INO80: variants seen among roughly 807,000 people sequenced by gnomAD.
The protein encoded by INO80 is chromatin-remodeling ATPase INO80.
Under a neutral mutation model 203.4 loss-of-function variants are expected in INO80, and 20 were observed. That is an observed-to-expected ratio of 0.10 (90% CI 0.07 to 0.14). The LOEUF is 0.14. Ranked by LOEUF, INO80 falls within the 10% of genes least tolerant of loss-of-function variation. The pLI, the probability that INO80 is intolerant of heterozygous loss-of-function variation, is 1.00. For synonymous variants in INO80, 726 were observed against 685.2 expected, an observed-to-expected ratio of 1.06 and a Z score of -0.93; for missense variants, 1,419 against 1,914.4, an observed-to-expected ratio of 0.74 and a Z score of 4.83.
rs142845317 is a variant in INO80, at chr15:40,992,114, T to C, written c.3571-4140A>G. Among the ~76,000 whole-genome samples the C allele has an allele frequency of 2.6e-5, 4 of 152,334 alleles. No homozygotes were observed. The East Asian group carries it at 5.8e-4, about 22-fold the overall frequency. On this transcript the variant is annotated intron_variant, in intron 29 of 35. Coordinates refer to ENST00000648947, the MANE Select transcript of INO80 (RefSeq NM_017553.3). ...TTCTAGAAGAACAAGTGGGAAAAGT[T>C]GGACCAACACTTGGAGGGTGGAGCT...
chr15:41,005,415 G>A, intron 28 of INO80, 178 bp downstream of exon 28: 1 of 535,536 alleles, frequency 1.9e-6, no homozygotes, highest in Non-Finnish European at 3.3e-6. Context: ...TTCTCTCCCA[G>A]ACACATAGAT....
intron 19 of INO80, 121 bp downstream of exon 19, chr15:41,053,808 G>T (rs1210235245): frequency 6.4e-6 from 4 of 627,730 alleles, no homozygotes; most frequent in Non-Finnish European, 8.2e-6. Flanking sequence ...TTTGATCCAT[G>T]CAAGTTTAAA....
Position 41,056,701 on chromosome 15 carries a change from C to T in INO80, c.1991G>A (p.Arg664His). 6.2e-7 allele frequency: 1 copy of T among 1,613,282 alleles called. No individual in the cohort carries two copies. Among genetic ancestry groups the T allele is most frequent in the Non-Finnish European group, 8.5e-7 (1 of 1,179,278 alleles). Residue 664 changes from arginine to histidine, a missense_variant, in exon 17 of 36, where the codon CGT becomes CAT. Physicochemically the swap from Arg to His is conservative, Grantham distance 29 (BLOSUM62 0). Coordinates refer to ENST00000648947, the MANE Select transcript of INO80 (RefSeq NM_017553.3). Reference protein sequence around the residue: ...AQALKSSSSVRWKILLQFQCR... With the variant: ...AQALKSSSSVHWKILLQFQCR... ...CTGGAACTGTAAGAGGATCTTCCAA[C>T]GAACACTGTTTGATAAAATAAGTTA...
rs765910137 is a variant in INO80 at position 40,983,902 on chromosome 15, A to G, written c.4097T>C (p.Leu1366Pro). The G allele has an allele frequency of 1.9e-6, 3 of 1,613,714 alleles. No individual in the cohort carries two copies. Among genetic ancestry groups the G allele is most frequent in the Non-Finnish European group, 2.5e-6 (3 of 1,180,022 alleles). Residue 1366 changes from leucine to proline, a missense_variant, in exon 34 of 36, where the codon CTG becomes CCG. By Grantham distance (98) the Leu-to-Pro change is moderately conservative (BLOSUM62 -3). Transcript: ENST00000648947. ...PFSEISISSE[L>P]HTGSIPLDES... is the part of the protein sequence containing the mutation. ...GTCCAGGGGAATGGAGCCAGTGTGC[A>G]GCTCACTGCTGATGGAGATCTAGAA...
In INO80 at chr15:41,047,476, A is replaced by G. The variant is rs1458606609; in HGVS notation, c.2667T>C (p.Ser889=). The part of the protein sequence containing the change: ...RKGINEESCF[S]FLRFIDISPA... The stretch of plus-strand genomic sequence containing the variant: ...GAGATATATCAATAAAGCGAAGGAA[A>G]GAGAAACAGCTTTCTTCATTAATAC... The change falls in exon 23 of 36, where the codon TCT becomes TCC. Residue 889 remains serine (S), a synonymous_variant. Transcript: ENST00000648947. 1 of 1,611,736 alleles carries G rather than the reference A, an allele frequency of 6.2e-7. No homozygotes were observed. Among genetic ancestry groups the G allele is most frequent in the East Asian group, 2.2e-5 (1 of 44,852 alleles).
At chr15:41,100,852 A>T (rs1278974484) in intron 1 of INO80, among the ~76,000 whole-genome samples, 1 of 148,562 alleles carries the variant, frequency 6.7e-6, no homozygotes, top group Non-Finnish European at 1.5e-5. Flanking sequence ...TTTTTGAGAC[A>T]GAGGCTCCCT....
At chr15:41,014,683 C>A (rs893661696) in intron 27 of INO80, among the ~76,000 whole-genome samples, 13 of 152,120 alleles carry the variant, frequency 8.5e-5, no homozygotes, top group African/African-American at 2.9e-4. Flanking sequence ...AGACTTAGTG[C>A]TGAAACTGAC....
At chr15:41,013,498 C>T (rs991595327) in intron 27 of INO80, among the ~76,000 whole-genome samples, 1 of 152,082 alleles carries the variant, frequency 6.6e-6, no homozygotes, top group African/African-American at 2.4e-5. Flanking sequence ...AAAACGCAGA[C>T]CTAGTGCTGC....
At chr15:41,023,611 A>T (rs2044328399) in intron 25 of INO80, among the ~76,000 whole-genome samples, 1 of 151,898 alleles carries the variant, frequency 6.6e-6, no homozygotes, top group Non-Finnish European at 1.5e-5. Flanking sequence ...TCTACTAAAA[A>T]TACAAAAATT....
intron 24 of INO80, among the ~76,000 whole-genome samples, chr15:41,033,260 G>A (rs928336722): frequency 3.3e-5 from 5 of 151,766 alleles, no homozygotes; most frequent in Non-Finnish European, 5.9e-5. Context: ...GCATATTTAC[G>A]ACAGGCTCTC....
chr15:41,065,226 T>C (rs2045188611), intron 14 of INO80, among the ~76,000 whole-genome samples: 1 of 152,036 alleles, frequency 6.6e-6, no homozygotes, highest in Admixed American at 6.6e-5. Context: ...TCACCTGAGG[T>C]CAGGAGTTCA....
intron 14 of INO80, among the ~76,000 whole-genome samples, chr15:41,060,279 G>A (rs931055819): frequency 1.3e-5 from 2 of 152,114 alleles, no homozygotes; most frequent in African/African-American, 2.4e-5. Flanking sequence ...AGAAACTGAG[G>A]ACACTTTTTC....
chr15:41,070,243 C>T (rs2045289076), intron 13 of INO80, among the ~76,000 whole-genome samples: 2 of 152,112 alleles, frequency 1.3e-5, no homozygotes, highest in Admixed American at 6.5e-5. Flanking sequence ...TAATGCAGAG[C>T]GGAAAGGAGT....
rs764502743 is a variant in INO80 at position 41,087,688 on chromosome 15, G to A, written c.538-6C>T. The A allele has an allele frequency of 6.2e-7, 1 of 1,609,062 alleles. No homozygotes were observed. Among genetic ancestry groups the A allele is most frequent in the South Asian group, 1.1e-5 (1 of 89,744 alleles). ...TAGTACTGATATTGCTGCAACTGAA[G>A]CAGGCAAAGACCATGATGGGCCTGT... On this transcript the variant is annotated splice_polypyrimidine_tract_variant and splice_region_variant and intron_variant, in intron 5 of 35. Transcript: ENST00000648947.
chr15:41,048,661 C>T (rs530052982), intron 21 of INO80, among the ~76,000 whole-genome samples: 1 of 152,274 alleles, frequency 6.6e-6, no homozygotes, highest in African/African-American at 2.4e-5. Flanking sequence ...GTTTCAATTT[C>T]AGTTTCATTA....
At chr15:40,985,572 A>C in intron 31 of INO80, 146 bp from the exon 32 acceptor site, 1 of 669,578 alleles carries the variant, frequency 1.5e-6, no homozygotes, top group South Asian at 1.8e-5. Context: ...TGGTTTTCTA[A>C]CTTGGATTCT....
intron 27 of INO80, among the ~76,000 whole-genome samples, chr15:41,008,058 C>CA (rs1305685424): frequency 6.6e-6 from 1 of 152,148 alleles, no homozygotes; most frequent in Non-Finnish European, 1.5e-5. Flanking sequence ...CCTGTAGTCC[C>CA]AGCTACTCAG....
At chr15:41,046,230 T>C (rs893977317) in intron 23 of INO80, among the ~76,000 whole-genome samples, 20 of 22,776 alleles carry the variant, frequency 8.8e-4, no homozygotes, top group African/African-American at 1.1e-3. Context: ...TATATATATA[T>C]ATATATATAT....
intron 29 of INO80, among the ~76,000 whole-genome samples, chr15:40,990,084 T>C (rs2043796177): frequency 6.6e-6 from 1 of 152,034 alleles, no homozygotes; most frequent in Non-Finnish European, 1.5e-5. Context: ...AGCCCAGGAC[T>C]AGTATGCATA....
Sources: gnomAD v4.1 joint callset for allele counts (sites outside exome capture counted in the v4.1 genomes callset) on GRCh38, gnomAD v4.1.1 for gene constraint, MANE v1.5 for transcripts, NCBI Gene and HGNC (gene_info 2026-07-23, HGNC 2026-07-21) for gene names.